The following CD8B2 variants were observed in gnomAD, a reference collection of about 807,000 sequenced individuals.
CD8B2 encodes T-cell surface glycoprotein CD8 beta-2 chain.
A neutral mutation model predicts 23.7 loss-of-function variants in CD8B2; 11 were observed. The ratio of observed to expected loss-of-function variants is 0.46; its 90% CI spans 0.29 to 0.77. The LOEUF (loss-of-function observed/expected upper bound fraction) is 0.77, where lower values mean the gene tolerates loss of function less well. Ranked by LOEUF, CD8B2 falls within the 30% of genes least tolerant of loss-of-function variation. The pLI is 0.09. For synonymous variants in CD8B2, 90 were observed against 109.3 expected, an observed-to-expected ratio of 0.82 and a Z score of 1.10; for missense variants, 197 against 270.5, an observed-to-expected ratio of 0.73 and a Z score of 1.91.
At chr2:106,495,164 T>C (rs1196035526) in intron 2 of CD8B2, among the ~76,000 whole-genome samples, 3 of 152,108 alleles carry the variant, frequency 2.0e-5, no homozygotes, top group Non-Finnish European at 2.9e-5. Flanking sequence ...GCAGTTATCA[T>C]TATTTCAGCA....
At chr2:106,517,017 A>G (rs920310922) in intron 5 of CD8B2, among the ~76,000 whole-genome samples, 1 of 148,432 alleles carries the variant, frequency 6.7e-6, no homozygotes, top group Non-Finnish European at 1.5e-5. Flanking sequence ...TATATATTTC[A>G]TATATGAAAA....
chr2:106,541,293 G>T (rs567820764), intron 5 of CD8B2, among the ~76,000 whole-genome samples: 1 of 152,132 alleles, frequency 6.6e-6, no homozygotes, highest in Non-Finnish European at 1.5e-5. Flanking sequence ...ACCCCCTATG[G>T]AAGTAGGGCC....
At chr2:106,543,846 C>CT (rs1292584086) in intron 5 of CD8B2, 1 of 394,612 alleles carries the variant, frequency 2.5e-6, no homozygotes, top group Non-Finnish European at 4.5e-6. Flanking sequence ...TTCAAGCTTT[C>CT]TATGAGTTTC....
At chr2:106,531,531 G>T (rs1679989547) in intron 5 of CD8B2, among the ~76,000 whole-genome samples, 1 of 152,302 alleles carries the variant, frequency 6.6e-6, no homozygotes, top group African/African-American at 2.4e-5. Context: ...CCAGGATGCT[G>T]CCCCTGCAGG....
intron 5 of CD8B2, among the ~76,000 whole-genome samples, chr2:106,522,641 A>G (rs1037856580): frequency 1.3e-5 from 2 of 152,160 alleles, no homozygotes; most frequent in Non-Finnish European, 2.9e-5. Context: ...AAGCTGAATT[A>G]GTTTAACCTC....
chr2:106,526,058 C>T (rs111958162), intron 5 of CD8B2, among the ~76,000 whole-genome samples: 5 of 152,076 alleles, frequency 3.3e-5, no homozygotes, highest in South Asian at 2.1e-4. Flanking sequence ...CTGGGCAACA[C>T]GGAGAAACCC....
At chr2:106,531,386 T>G (rs974484515) in intron 5 of CD8B2, among the ~76,000 whole-genome samples, 3 of 152,222 alleles carry the variant, frequency 2.0e-5, no homozygotes, top group Admixed American at 6.5e-5. Flanking sequence ...TGCCCCAAAT[T>G]CTGAAACATC....
At chr2:106,516,997 T>G (rs1304678054) in intron 5 of CD8B2, among the ~76,000 whole-genome samples, 1 of 148,290 alleles carries the variant, frequency 6.7e-6, no homozygotes, top group Admixed American at 6.8e-5. Context: ...GATTAATACA[T>G]GATATATTTT....
At chr2:106,535,986 A>G (rs796883355) in intron 5 of CD8B2, among the ~76,000 whole-genome samples, 25 of 151,218 alleles carry the variant, frequency 1.7e-4, no homozygotes, top group African/African-American at 5.6e-4. Context: ...TATGTCTTAC[A>G]TGGCCAGAGT....
intron 5 of CD8B2, among the ~76,000 whole-genome samples, chr2:106,526,850 C>G (rs1462944003): frequency 6.6e-6 from 1 of 152,176 alleles, no homozygotes; most frequent in African/African-American, 2.4e-5. Context: ...CCATGTTGGC[C>G]AGGCTGGTCT....
Position 106,491,047 on chromosome 2 carries a change from T to C in CD8B2, c.217T>C (p.Trp73Arg). The C allele has an allele frequency of 6.2e-7, 1 of 1,613,962 alleles. No individual in the cohort carries two copies. The highest frequency in any genetic ancestry group is 1.1e-5 in the South Asian group (1 of 91,072). ...SDSHHEFLTL[W>R]DSAKGTIHGE... ...TAGTCACCACGAGTTCCTGACCCTC[T>C]GGGATTCCGCAAAAGGGACTATCCA... Residue 73 changes from tryptophan to arginine, a missense_variant, in exon 2 of 6, where the codon TGG (tryptophan) becomes CGG (arginine). Transcript: ENST00000643224.
chr2:106,544,008 C>T (rs1680215015), exon 6 of CD8B2: 3 of 398,524 alleles, frequency 7.5e-6, no homozygotes, highest in Non-Finnish European at 1.3e-5. Context: ...ATCTTGTGAA[C>T]TGTTTTCACA....
chr2:106,523,689 T>C (rs1380360129), intron 5 of CD8B2, among the ~76,000 whole-genome samples: 7 of 152,170 alleles, frequency 4.6e-5, no homozygotes, highest in South Asian at 2.1e-4. Context: ...CAATGAATAT[T>C]GCTAGGGAAG....
chr2:106,529,118 G>A (rs1446668564), intron 5 of CD8B2, among the ~76,000 whole-genome samples: 1 of 152,160 alleles, frequency 6.6e-6, no homozygotes, highest in Non-Finnish European at 1.5e-5. Flanking sequence ...GAGAGTGCTG[G>A]AAGTTTGCTC....
At position 106,507,307 on chromosome 2, in the gene CD8B2, C is replaced by T; in HGVS notation, c.*367C>T. The T allele has an allele frequency of 9.6e-7, 1 of 1,046,710 alleles. No individual in the cohort carries two copies. The highest frequency in any genetic ancestry group is 3.9e-5 in the South Asian group (1 of 25,634). The allele number at this position is 1,046,710 out of a possible 1,614,324, so 64.8% of individuals were successfully genotyped here. On this transcript the variant is annotated 3_prime_UTR_variant, in exon 6 of 6. Coordinates refer to ENST00000643224, the MANE Select transcript of CD8B2 (RefSeq NM_001349727.2). ...TGCAAGTTGCTTTGCCCTGGTAGGG[C>T]AGTAACATTGGGTCCTGGGTCTTTC...
At chr2:106,503,887 C>A (rs1318575145) in intron 4 of CD8B2, among the ~76,000 whole-genome samples, 1 of 152,166 alleles carries the variant, frequency 6.6e-6, no homozygotes, top group Non-Finnish European at 1.5e-5. Context: ...ATGCAATTGC[C>A]CTAGCCTGAG....
chr2:106,530,845 T>C (rs1025500038), intron 5 of CD8B2, among the ~76,000 whole-genome samples: 1 of 152,122 alleles, frequency 6.6e-6, no homozygotes, highest in African/African-American at 2.4e-5. Context: ...CCTCTGGTCA[T>C]CCTCATTGCC....
intron 5 of CD8B2, among the ~76,000 whole-genome samples, chr2:106,522,718 T>G (rs929592732): frequency 1.3e-5 from 2 of 152,226 alleles, no homozygotes; most frequent in Admixed American, 1.3e-4. Context: ...TTCACAGGCC[T>G]TACTTGACAT....
chr2:106,496,240 A>G lies in CD8B2; in HGVS notation c.471A>G (p.Leu157=). ...KSTLKKRVCR[L]PRPETQKGPL... ...CCCTCAAGAAGAGAGTGTGCCGGTTACCCAGGCCAGAGACCCAGAAGGGTG... is the reference window on the plus strand; with the variant it reads ...CCCTCAAGAAGAGAGTGTGCCGGTTGCCCAGGCCAGAGACCCAGAAGGGTG... The change falls in exon 3 of 6, where the codon TTA becomes TTG. Residue 157 remains leucine, a synonymous_variant. Transcript: ENST00000643224. The G allele has an allele frequency of 6.5e-7, 1 of 1,538,930 alleles. No homozygotes were observed. Among genetic ancestry groups the G allele is most frequent in the African/African-American group, 1.4e-5 (1 of 71,862 alleles).
Sources: gnomAD v4.1 joint callset for allele counts (sites outside exome capture counted in the v4.1 genomes callset) on GRCh38, gnomAD v4.1.1 for gene constraint, MANE v1.5 for transcripts, NCBI Gene and HGNC (gene_info 2026-07-23, HGNC 2026-07-21) for gene names.